Variants in DGKG observed in about 807,000 individuals in gnomAD.
DGKG encodes the protein diacylglycerol kinase gamma.
A neutral mutation model predicts 105.3 loss-of-function variants in DGKG; 78 were observed. The observed-to-expected ratio is 0.74, with a 90% CI of 0.62 to 0.89. The LOEUF (loss-of-function observed/expected upper bound fraction) is 0.89. Among genes scored for constraint, DGKG ranks in the 40% least tolerant of loss-of-function variants. DGKG has a pLI of 0.00. For synonymous variants in DGKG, 346 were observed against 367.1 expected, an observed-to-expected ratio of 0.94 and a Z score of 0.66; for missense variants, 958 against 1,020.1, an observed-to-expected ratio of 0.94 and a Z score of 0.83.
At chr3:186,354,106 G>C (rs58133663) in intron 1 of DGKG, among the ~76,000 whole-genome samples, 6 of 152,204 alleles carry the variant, frequency 3.9e-5, no homozygotes, top group African/African-American at 1.4e-4. Flanking sequence ...TGGGGAGTTT[G>C]GGGGGCTAGA....
chr3:186,231,514 C>T lies in DGKG; in HGVS notation c.1826+10990G>A, dbSNP rs1456380885. Reference sequence around the variant, plus strand: ...TGTACATGAGATTCTTGAAAGCTCTCAATAAATGATGGCTACTATTGTTGG... The same window carrying T: ...TGTACATGAGATTCTTGAAAGCTCTTAATAAATGATGGCTACTATTGTTGG... On this transcript the variant is annotated intron_variant, in intron 20 of 24. Transcript: ENST00000265022. The surrounding 1 kb of genome is among the most constrained non-coding windows in gnomAD (Gnocchi z 4.5). Among the ~76,000 whole-genome samples, 1 of 152,122 alleles carries T rather than the reference C, an allele frequency of 6.6e-6. No individual in the cohort carries two copies. The highest frequency in any genetic ancestry group is 2.4e-5 in the African/African-American group (1 of 41,412).
At chr3:186,157,495 T>A (rs1447884384) in intron 24 of DGKG, among the ~76,000 whole-genome samples, 1 of 152,218 alleles carries the variant, frequency 6.6e-6, no homozygotes, top group African/African-American at 2.4e-5. Context: ...TGAGTAGCCT[T>A]CCATCTTTGT....
chr3:186,261,905 T>A, intron 14 of DGKG, 127 bp from the exon 15 acceptor site: 1 of 620,780 alleles, frequency 1.6e-6, no homozygotes, highest in Non-Finnish European at 2.8e-6. Context: ...CAGGTGTTTT[T>A]CCACTGGCTG....
At chr3:186,312,681 A>G (rs961367709) in intron 2 of DGKG, among the ~76,000 whole-genome samples, 3 of 152,220 alleles carry the variant, frequency 2.0e-5, no homozygotes, top group African/African-American at 4.8e-5. Context: ...GAAGGCTGGG[A>G]TGTAAGAATA....
chr3:186,180,979 G>A (rs1717331576), intron 22 of DGKG, among the ~76,000 whole-genome samples: 1 of 152,240 alleles, frequency 6.6e-6, no homozygotes, highest in Non-Finnish European at 1.5e-5. Context: ...CAGATCTGAT[G>A]ACTACACGTA....
At chr3:186,216,147 C>T (rs543253412) in intron 20 of DGKG, among the ~76,000 whole-genome samples, 12 of 152,112 alleles carry the variant, frequency 7.9e-5, no homozygotes, top group African/African-American at 1.9e-4. Flanking sequence ...TACAGGCATG[C>T]GCCACCACTC....
intron 23 of DGKG, among the ~76,000 whole-genome samples, chr3:186,162,123 C>T (rs1233848293): frequency 6.6e-6 from 1 of 152,256 alleles, no homozygotes; most frequent in East Asian, 1.9e-4. Context: ...CTCAAACTCC[C>T]GACCTCAGGT....
At chr3:186,298,694 A>C (rs1723718328) in intron 3 of DGKG, among the ~76,000 whole-genome samples, 1 of 152,158 alleles carries the variant, frequency 6.6e-6, no homozygotes, top group Non-Finnish European at 1.5e-5. Context: ...AATATGATGC[A>C]AAGAAATAGT....
chr3:186,337,728 A>T (rs1725896970), intron 1 of DGKG, among the ~76,000 whole-genome samples: 1 of 152,228 alleles, frequency 6.6e-6, no homozygotes, highest in Non-Finnish European at 1.5e-5. Flanking sequence ...AAAAACCAAG[A>T]GATCACATAA....
In DGKG at chr3:186,147,852, T is replaced by G. The variant is rs1221249139; in HGVS notation, c.*2238A>C. 1 of 985,290 alleles carries G rather than the reference T, an allele frequency of 1.0e-6. No individual in the cohort carries two copies. Among genetic ancestry groups the G allele is most frequent in the Admixed American group, 6.1e-5 (1 of 16,266 alleles). The allele number at this position is 985,290 out of a possible 1,614,324, so 61.0% of individuals were successfully genotyped here. A position where few individuals can be genotyped will look rare whatever the true frequency, so the allele number is the denominator to read the frequency against. ...AACAAGTGGCTTCCAAGATAGTACC[T>G]GTAGTAATTCTGGAGCTTGTTGGTC... is the stretch of plus-strand genomic sequence containing the variant. On this transcript the variant is annotated 3_prime_UTR_variant, in exon 25 of 25. Transcript: ENST00000265022.
At chr3:186,239,578 T>C (rs1289105707) in intron 20 of DGKG, among the ~76,000 whole-genome samples, 1 of 152,242 alleles carries the variant, frequency 6.6e-6, no homozygotes, top group Admixed American at 6.5e-5. Context: ...CCTGGGTATT[T>C]TAGACATGGG....
intron 1 of DGKG, among the ~76,000 whole-genome samples, chr3:186,344,514 C>A (rs1186762900): frequency 1.3e-5 from 2 of 152,264 alleles, no homozygotes; most frequent in South Asian, 4.1e-4. Context: ...TTCTCACTTA[C>A]AAGTGGGAGC....
rs1044204916 is a variant in DGKG, at chr3:186,148,162, T to G, written c.*1928A>C. The G allele has an allele frequency of 4.1e-6, 4 of 985,404 alleles. No individual in the cohort carries two copies. Among genetic ancestry groups the G allele is most frequent in the Non-Finnish European group, 4.8e-6 (4 of 830,004 alleles). The allele number at this position is 985,404 out of a possible 1,614,324, so 61.0% of individuals were successfully genotyped here. A position where few individuals can be genotyped will look rare whatever the true frequency, so the allele number is the denominator to read the frequency against. ...GATGGAGGCCCAATGAAGCTCTGCATGGCCTTGCCCTTGGGAAAGGATGGT... is the reference window on the plus strand; with the variant it reads ...GATGGAGGCCCAATGAAGCTCTGCAGGGCCTTGCCCTTGGGAAAGGATGGT... On this transcript the variant is annotated 3_prime_UTR_variant, in exon 25 of 25. Transcript: ENST00000265022.
intron 20 of DGKG, among the ~76,000 whole-genome samples, chr3:186,227,659 A>G (rs1440852424): frequency 7.9e-5 from 12 of 152,232 alleles, no homozygotes; most frequent in African/African-American, 2.9e-4. Context: ...CTTTGGCCCA[A>G]TAATAAGTGC....
At chr3:186,223,033 A>ATATATATATATATATATATG (rs1168287109) in intron 20 of DGKG, among the ~76,000 whole-genome samples, 2 of 132,392 alleles carry the variant, frequency 1.5e-5, no homozygotes, top group African/African-American at 5.3e-5. Context: ...ATATATATAT[A>ATATATATATATATATATATG]TGTCTCATGA....
intron 20 of DGKG, among the ~76,000 whole-genome samples, chr3:186,233,042 T>C (rs1180386637): frequency 6.6e-6 from 1 of 152,230 alleles, no homozygotes; most frequent in Admixed American, 6.5e-5. Context: ...GGTGGAACAA[T>C]GCCCTGAAGA....
At chr3:186,217,766 C>T (rs1403421334) in intron 20 of DGKG, among the ~76,000 whole-genome samples, 2 of 152,232 alleles carry the variant, frequency 1.3e-5, no homozygotes, top group African/African-American at 4.8e-5. Context: ...CTATGCCACC[C>T]TGAGCTTCTG....
rs543861928 is a variant in DGKG, at chr3:186,211,986, T to C, written c.1827-101A>G. Reference sequence around the variant, plus strand: ...TTGGGAGGCCCAAGCCTTCAGCAATTTCCCCAATCTTACATTTTCAGCACT... The same window carrying C: ...TTGGGAGGCCCAAGCCTTCAGCAATCTCCCCAATCTTACATTTTCAGCACT... On this transcript the variant is annotated intron_variant, in intron 20 of 24. Transcript: ENST00000265022. 229 of 858,728 alleles carry C rather than the reference T, an allele frequency of 2.7e-4. 1 individual carries two copies. The highest frequency in any genetic ancestry group is 3.9e-4 in the Non-Finnish European group (201 of 519,512). 53.2% of individuals were successfully genotyped at this position (858,728 alleles called of 1,614,324 possible).
chr3:186,161,259 G>C lies in DGKG; in HGVS notation c.2277+344C>G, dbSNP rs191218045. ...TCAGCAGAACAGTCTTCCTTTTGAG[G>C]TAGTAAATTCCTTGCCATTGACATG... On this transcript the variant is annotated intron_variant, in intron 24 of 24. Coordinates refer to ENST00000265022, the MANE Select transcript of DGKG (RefSeq NM_001346.3). 341 of 1,056,200 alleles carry C rather than the reference G, an allele frequency of 3.2e-4. 2 individuals are homozygous for C. In the African/African-American group the frequency reaches 5.3e-3, roughly 17 times the overall value. 65.4% of individuals were successfully genotyped at this position (1,056,200 alleles called of 1,614,324 possible). A position where few individuals can be genotyped will look rare whatever the true frequency, so the allele number is the denominator to read the frequency against.
Sources: allele counts gnomAD v4.1 joint callset (sites outside exome capture counted in the v4.1 genomes callset), GRCh38; gene constraint gnomAD v4.1.1; non-coding constraint Gnocchi (gnomAD v3.1); transcripts MANE v1.5; gene names NCBI Gene and HGNC (gene_info 2026-07-23, HGNC 2026-07-21).